The following NEBL variants were observed in gnomAD, a reference collection of about 807,000 sequenced individuals.
NEBL encodes nebulette, also known as LIM and SH3 protein 2.
A neutral mutation model predicts 140.2 loss-of-function variants in NEBL; 122 were observed. The observed-to-expected ratio is 0.87, with a 90% CI of 0.75 to 1.01. The LOEUF is 1.01. NEBL is among the 50% of genes least tolerant of loss of function. NEBL has a pLI of 0.00. For synonymous variants in NEBL, 436 were observed against 398.9 expected, an observed-to-expected ratio of 1.09 and a Z score of -1.11; for missense variants, 1,365 against 1,231.3, an observed-to-expected ratio of 1.11 and a Z score of -1.62.
intron 2 of NEBL, among the ~76,000 whole-genome samples, chr10:21,074,730 G>A (rs182319267): frequency 7.2e-5 from 11 of 151,812 alleles, no homozygotes; most frequent in East Asian, 3.9e-4. Context: ...CGCCTGCCTC[G>A]GCCTCCCAAA....
At chr10:20,992,557 A>T (rs997526083) in intron 3 of NEBL, among the ~76,000 whole-genome samples, 2 of 152,014 alleles carry the variant, frequency 1.3e-5, no homozygotes, top group African/African-American at 4.8e-5. Flanking sequence ...AGGAGCTGTG[A>T]CCTCTTATCA....
At chr10:20,819,209 C>T in intron 20 of NEBL, 4 of 919,782 alleles carry the variant, frequency 4.3e-6, no homozygotes, top group Non-Finnish European at 4.6e-6. Context: ...GGATCCTCTC[C>T]CTCCTCCCAT....
chr10:20,894,797 C>T (rs1847321779), intron 2 of NEBL, among the ~76,000 whole-genome samples: 1 of 149,346 alleles, frequency 6.7e-6, no homozygotes, highest in South Asian at 2.1e-4. Flanking sequence ...GGCTTAGTGG[C>T]AGGCGCCTGT....
chr10:21,219,573 T>C (rs1008261729), intron 3 of NEBL, among the ~76,000 whole-genome samples: 5 of 152,260 alleles, frequency 3.3e-5, no homozygotes, highest in Non-Finnish European at 7.3e-5. Flanking sequence ...CTGCTTTGAC[T>C]ATTCCTGGTC....
intron 7 of NEBL, among the ~76,000 whole-genome samples, chr10:20,867,042 A>G (rs1433591826): frequency 1.3e-5 from 2 of 152,144 alleles, no homozygotes; most frequent in Non-Finnish European, 2.9e-5. Flanking sequence ...AAATGTTCTC[A>G]TCAAATGCAT....
At chr10:21,177,325 A>G (rs1272723441), upstream of NEBL, among the ~76,000 whole-genome samples, 4 of 152,226 alleles carry the variant, frequency 2.6e-5, no homozygotes, top group Admixed American at 1.3e-4. Context: ...ATCATGCCCA[A>G]CAGAGCCACA....
chr10:20,819,247 C>A (rs1449422630), intron 20 of NEBL, 177 bp downstream of exon 20: 1 of 1,108,286 alleles, frequency 9.0e-7, no homozygotes, highest in East Asian at 2.8e-5. Context: ...GCTCCGGTGT[C>A]TGTTATTCCC....
chr10:21,274,173 C>T (rs1355974258), intron 1 of NEBL, among the ~76,000 whole-genome samples: 1 of 152,142 alleles, frequency 6.6e-6, no homozygotes, highest in Non-Finnish European at 1.5e-5. Context: ...AAAATCCAGC[C>T]AACAGCCAAG....
chr10:20,815,727 C>T lies in NEBL; in HGVS notation c.2149-10G>A, dbSNP rs1459255210. 6.5e-7 allele frequency: 1 copy of T among 1,539,118 alleles called. No individual in the cohort carries two copies. The highest frequency in any genetic ancestry group is 2.3e-5 in the East Asian group (1 of 44,372). ...GACCTCTGTAATAAACCTATCATTT[C>T]AGAGAACAAAAAATAGAATACTATG... is the stretch of plus-strand genomic sequence containing the variant. On this transcript the variant is annotated splice_polypyrimidine_tract_variant and intron_variant, in intron 21 of 27. Transcript: ENST00000377122.
intron 26 of NEBL, among the ~76,000 whole-genome samples, chr10:20,796,006 A>G (rs946171824): frequency 1.3e-5 from 2 of 152,204 alleles, no homozygotes; most frequent in African/African-American, 4.8e-5. Flanking sequence ...TGTACTTTTT[A>G]AACTACATAT....
intron 4 of NEBL, among the ~76,000 whole-genome samples, chr10:20,935,631 T>A (rs548596045): frequency 3.9e-5 from 6 of 152,348 alleles, no homozygotes; most frequent in African/African-American, 1.4e-4. Context: ...CACTGTTACC[T>A]CTTTAAATTA....
At chr10:21,191,998 T>G (rs1841581688) in intron 3 of NEBL, among the ~76,000 whole-genome samples, 1 of 152,176 alleles carries the variant, frequency 6.6e-6, no homozygotes, top group African/African-American at 2.4e-5. Context: ...GGTTATTGAT[T>G]GCTCTTCTCA....
At chr10:21,168,300 A>AATTCTTAAGCAT (rs1220473693) in intron 2 of NEBL, among the ~76,000 whole-genome samples, 1 of 152,206 alleles carries the variant, frequency 6.6e-6, no homozygotes, top group African/African-American at 2.4e-5. Flanking sequence ...CATGGTTTCC[A>AATTCTTAAGCAT]ATTCTTAAGC....
intron 2 of NEBL, among the ~76,000 whole-genome samples, chr10:21,148,127 A>C (rs1288696440): frequency 6.6e-6 from 1 of 152,228 alleles, no homozygotes; most frequent in African/African-American, 2.4e-5. Context: ...TTGAGGCCTA[A>C]AGGACAAAAA....
intron 3 of NEBL, among the ~76,000 whole-genome samples, chr10:20,992,402 A>G (rs1192906214): frequency 6.6e-6 from 1 of 152,194 alleles, no homozygotes; most frequent in Non-Finnish European, 1.5e-5. Flanking sequence ...ATGGACCCAT[A>G]AGAGTCTTTA....
intron 2 of NEBL, among the ~76,000 whole-genome samples, chr10:21,062,506 T>A (rs1380472107): frequency 2.0e-5 from 3 of 150,974 alleles, no homozygotes; most frequent in Non-Finnish European, 4.4e-5. Flanking sequence ...ACAAAAAAAA[T>A]TAAAAAATAA....
intron 3 of NEBL, among the ~76,000 whole-genome samples, chr10:21,190,853 A>G (rs146376296): frequency 6.6e-6 from 1 of 152,342 alleles, no homozygotes; most frequent in East Asian, 1.9e-4. Flanking sequence ...TGTCCTTTTT[A>G]TTAACCAACT....
intron 7 of NEBL, among the ~76,000 whole-genome samples, chr10:20,861,809 T>C (rs964265863): frequency 2.6e-5 from 4 of 152,172 alleles, no homozygotes; most frequent in Admixed American, 1.3e-4. Context: ...GCATATGCTC[T>C]CCCAAGTAAA....
intron 2 of NEBL, among the ~76,000 whole-genome samples, chr10:21,064,958 G>T (rs1835470421): frequency 6.6e-6 from 1 of 152,240 alleles, no homozygotes; most frequent in Admixed American, 6.5e-5. Context: ...CAAGAAATAA[G>T]AAGAGTGAAG....
Sources: allele counts gnomAD v4.1 joint callset (sites outside exome capture counted in the v4.1 genomes callset), GRCh38; gene constraint gnomAD v4.1.1; transcripts MANE v1.5; gene names NCBI Gene and HGNC (gene_info 2026-07-23, HGNC 2026-07-21).